The following GOLGA5 variants were observed in gnomAD, a reference collection of about 807,000 sequenced individuals.
The protein encoded by GOLGA5 is golgin A5.
GOLGA5 carries 50 observed loss-of-function variants against 93.5 expected under a neutral mutation model. That is an observed-to-expected ratio of 0.53 (90% confidence interval 0.43 to 0.68). The LOEUF (loss-of-function observed/expected upper bound fraction) is 0.68. Ranked by LOEUF, GOLGA5 falls within the 30% of genes least tolerant of loss-of-function variation. The probability of loss-of-function intolerance (pLI) is 0.00; values close to 1 mark genes in which losing one functional copy is unlikely to be tolerated. For missense variants in GOLGA5, 760 were observed against 856.4 expected (o/e 0.89, Z 1.40); for synonymous variants, 312 against 304.5 (o/e 1.02, Z -0.26).
chr14:92,810,411 CTTGG>C, intron 5 of GOLGA5, 34 bp downstream of exon 5: 2 of 1,483,078 alleles, frequency 1.3e-6, no homozygotes, highest in Admixed American at 4.9e-5. Flanking sequence ...CCTATTGTTA[CTTGG>C]ACACGGAAAA....
intron 11 of GOLGA5, among the ~76,000 whole-genome samples, chr14:92,837,050 G>A (rs1885656831): frequency 6.6e-6 from 1 of 150,828 alleles, no homozygotes; most frequent in Non-Finnish European, 1.5e-5. Flanking sequence ...CAGCCTGGGC[G>A]ACAGGAGAGA....
At chr14:92,802,098 T>A (rs1884885792) in intron 2 of GOLGA5, among the ~76,000 whole-genome samples, 1 of 152,218 alleles carries the variant, frequency 6.6e-6, no homozygotes, top group Admixed American at 6.5e-5. Flanking sequence ...ATTAATTGCT[T>A]CTATATAGAC....
intron 3 of GOLGA5, among the ~76,000 whole-genome samples, chr14:92,807,270 C>G (rs562186941): frequency 6.6e-6 from 1 of 151,778 alleles, no homozygotes; most frequent in Non-Finnish European, 1.5e-5. Context: ...CTACTGCACT[C>G]TAGTCTGGGC....
At chr14:92,831,367 A>G (rs1234175596) in intron 9 of GOLGA5, among the ~76,000 whole-genome samples, 1 of 152,236 alleles carries the variant, frequency 6.6e-6, no homozygotes, top group Non-Finnish European at 1.5e-5. Flanking sequence ...ATCAGCAGGT[A>G]ATGGATAAAC....
chr14:92,801,472 G>T (rs1324270678), intron 2 of GOLGA5, among the ~76,000 whole-genome samples: 1 of 151,878 alleles, frequency 6.6e-6, no homozygotes, highest in Non-Finnish European at 1.5e-5. Context: ...ACTTTTTTCT[G>T]TTAGATTATT....
At chr14:92,836,955 C>T (rs767679488) in intron 11 of GOLGA5, among the ~76,000 whole-genome samples, 76 of 152,012 alleles carry the variant, frequency 5.0e-4, no homozygotes, top group Non-Finnish European at 1.8e-4. Context: ...CCTGTAATCC[C>T]AGCTACTCGG....
intron 7 of GOLGA5, among the ~76,000 whole-genome samples, chr14:92,819,455 C>T (rs1198140487): frequency 1.3e-5 from 2 of 150,654 alleles, no homozygotes; most frequent in Non-Finnish European, 3.0e-5. Context: ...AAAGCCATAT[C>T]CCATCTCTTA....
chr14:92,819,232 C>T (rs1183951098), intron 7 of GOLGA5, among the ~76,000 whole-genome samples: 2 of 152,168 alleles, frequency 1.3e-5, no homozygotes, highest in Non-Finnish European at 2.9e-5. Context: ...GCGCCCCATT[C>T]ATTCTGCTGT....
intron 6 of GOLGA5, 70 bp downstream of exon 6, chr14:92,811,824 T>C (rs1286564255): frequency 1.9e-5 from 21 of 1,091,652 alleles, no homozygotes; most frequent in Non-Finnish European, 2.5e-5. Flanking sequence ...TGAGACTGTG[T>C]AGATACTGTG....
At chr14:92,812,803 A>T (rs1040325295) in intron 6 of GOLGA5, among the ~76,000 whole-genome samples, 2 of 152,052 alleles carry the variant, frequency 1.3e-5, no homozygotes, top group East Asian at 3.9e-4. Context: ...CGCTCTTCCC[A>T]ATCTCCAAAG....
chr14:92,835,550 T>C lies in GOLGA5; in HGVS notation c.1946-9T>C, dbSNP rs1302861542. ...GTCAGTACACTAATTTATTTTCTTA[T>C]TTAAACAGGCACTCGTCTGCGAAAT... is the stretch of plus-strand genomic sequence containing the variant. On this transcript the variant is annotated splice_polypyrimidine_tract_variant and intron_variant, in intron 10 of 12. Transcript: ENST00000163416. 1.3e-6 allele frequency: 2 copies of C among 1,568,124 alleles called. No homozygotes were observed. Among genetic ancestry groups the C allele is most frequent in the Non-Finnish European group, 1.8e-6 (2 of 1,138,404 alleles).
At chr14:92,812,824 C>T (rs1885129914) in intron 6 of GOLGA5, among the ~76,000 whole-genome samples, 1 of 152,166 alleles carries the variant, frequency 6.6e-6, no homozygotes, top group Non-Finnish European at 1.5e-5. Context: ...AGTCAGAGTC[C>T]TCCTAAGCTC....
rs531242857 is a variant in GOLGA5 at position 92,826,546 on chromosome 14, A to C, written c.1719+1902A>C. 5.9e-5 allele frequency among the ~76,000 whole-genome samples: 9 copies of C among 152,146 alleles called. No individual in the cohort carries two copies. The South Asian group carries it at 1.9e-3, about 32-fold the overall frequency. On this transcript the variant is annotated intron_variant, in intron 9 of 12. Transcript: ENST00000163416. ...CCCTGTCTCTATTGAAAATACAAAA[A>C]AATTAGCTGGGCATGGTGGTGCAGA...
rs1885718011 is a variant in GOLGA5, at chr14:92,839,651, T to G, written c.*205T>G. 3 of 589,160 alleles carry G rather than the reference T, an allele frequency of 5.1e-6. No homozygotes were observed. Among genetic ancestry groups the G allele is most frequent in the Non-Finnish European group, 9.0e-6 (3 of 332,196 alleles). The allele number at this position is 589,160 out of a possible 1,614,324, so 36.5% of individuals were successfully genotyped here. On this transcript the variant is annotated 3_prime_UTR_variant, in exon 13 of 13. Transcript: ENST00000163416. ...AAGAGTTTCTAAAACAGACAATAAT[T>G]TAACAAGCTCAGCTCTGCTTTATCT... is the stretch of plus-strand genomic sequence containing the variant.
At position 92,794,344 on chromosome 14, in the gene GOLGA5, C is replaced by G. The variant is rs1427621606; in HGVS notation, c.-143C>G. ...TCTCCCGGAAGCGGTAGCAGGGCCC[C>G]GGCGGGTCGGGGAGGAGGTTTACTC... is the stretch of plus-strand genomic sequence containing the variant. On this transcript the variant is annotated 5_prime_UTR_variant, in exon 1 of 13. Coordinates refer to ENST00000163416, the MANE Select transcript of GOLGA5 (RefSeq NM_005113.4). 2 of 152,376 alleles carry G rather than the reference C, an allele frequency of 1.3e-5. No homozygotes were observed. Among genetic ancestry groups the G allele is most frequent in the Non-Finnish European group, 2.9e-5 (2 of 68,178 alleles). The allele number at this position is 152,376 out of a possible 1,614,324, so 9.4% of individuals were successfully genotyped here.
At position 92,806,598 on chromosome 14, in the gene GOLGA5, C is replaced by T. The variant is rs149426853; in HGVS notation, c.545-138C>T. ...AAAATGCTGGGATTACAGGCATGAG[C>T]CACCGCGCCTAGCTGAGAATTTACT... On this transcript the variant is annotated intron_variant, in intron 2 of 12. Coordinates refer to ENST00000163416, the MANE Select transcript of GOLGA5 (RefSeq NM_005113.4). The T allele has an allele frequency of 7.4e-3, 4,557 of 618,634 alleles. 30 individuals carry two copies. The highest frequency in any genetic ancestry group is 0.011 in the Non-Finnish European group (3,726 of 343,064). The allele number at this position is 618,634 out of a possible 1,614,324, so 38.3% of individuals were successfully genotyped here.
At chr14:92,815,774 GC>G (rs1252601894) in intron 6 of GOLGA5, among the ~76,000 whole-genome samples, 3 of 146,328 alleles carry the variant, frequency 2.1e-5, no homozygotes, top group Admixed American at 1.4e-4. Context: ...CGCGATCTCG[GC>G]TCACTGCAAG....
intron 7 of GOLGA5, among the ~76,000 whole-genome samples, chr14:92,816,923 CCTTT>C (rs1885222729): frequency 6.7e-6 from 1 of 149,868 alleles, no homozygotes; most frequent in Non-Finnish European, 1.5e-5. Context: ...TTCTTTCCTT[CCTTT>C]CTTTCCTTTC....
At chr14:92,812,582 CCTA>C (rs1248653245) in intron 6 of GOLGA5, among the ~76,000 whole-genome samples, 6 of 152,304 alleles carry the variant, frequency 3.9e-5, no homozygotes, top group African/African-American at 1.4e-4. Context: ...TCCTTCTTTT[CCTA>C]CTACATGTCT....
Sources: gnomAD v4.1 joint callset for allele counts (sites outside exome capture counted in the v4.1 genomes callset) on GRCh38, gnomAD v4.1.1 for gene constraint, MANE v1.5 for transcripts, NCBI Gene and HGNC (gene_info 2026-07-23, HGNC 2026-07-21) for gene names.